The following CORIN variants were observed in gnomAD, a reference collection of about 807,000 sequenced individuals.
The protein encoded by CORIN is atrial natriuretic peptide-converting enzyme.
CORIN carries 117 observed loss-of-function variants against 125.3 expected under a neutral mutation model. The ratio of observed to expected loss-of-function variants is 0.93; its 90% CI spans 0.80 to 1.09. The LOEUF (loss-of-function observed/expected upper bound fraction) is 1.09, where lower values mean the gene tolerates loss of function less well. Ranked by LOEUF, CORIN falls within the 50% of genes least tolerant of loss-of-function variation. The probability of loss-of-function intolerance (pLI) is 0.00; values close to 1 mark genes in which losing one functional copy is unlikely to be tolerated. For missense variants in CORIN, 1,253 were observed against 1,306.7 expected (o/e 0.96, Z 0.63); for synonymous variants, 450 against 466.4 (o/e 0.96, Z 0.45).
intron 4 of CORIN, among the ~76,000 whole-genome samples, chr4:47,751,542 T>C (rs1488619975): frequency 1.3e-5 from 2 of 152,176 alleles, no homozygotes; most frequent in Non-Finnish European, 2.9e-5. Flanking sequence ...TTCATCTGAA[T>C]TGCCTTTTTA....
chr4:47,643,713 G>A (rs1314699939), intron 14 of CORIN, among the ~76,000 whole-genome samples: 8 of 151,944 alleles, frequency 5.3e-5, no homozygotes, highest in Non-Finnish European at 8.8e-5. Flanking sequence ...TCTCTTTTGG[G>A]TTTTAAAAAT....
At chr4:47,619,989 G>T (rs1023781815) in intron 19 of CORIN, among the ~76,000 whole-genome samples, 1 of 152,114 alleles carries the variant, frequency 6.6e-6, no homozygotes, top group Non-Finnish European at 1.5e-5. Context: ...CTTACACATT[G>T]AAAGCTCTCA....
chr4:47,698,577 A>G (rs1726143078), intron 5 of CORIN, among the ~76,000 whole-genome samples: 1 of 152,090 alleles, frequency 6.6e-6, no homozygotes, highest in African/African-American at 2.4e-5. Flanking sequence ...GAGTCATTAC[A>G]TGGTTTTCGG....
intron 2 of CORIN, among the ~76,000 whole-genome samples, chr4:47,787,916 G>C (rs533387542): frequency 6.6e-6 from 1 of 152,306 alleles, no homozygotes; most frequent in Admixed American, 6.5e-5. Flanking sequence ...ATTAAACTAA[G>C]ATTATCAACT....
intron 21 of CORIN, among the ~76,000 whole-genome samples, chr4:47,597,480 C>G (rs1721300988): frequency 1.3e-5 from 2 of 152,014 alleles, no homozygotes; most frequent in African/African-American, 4.8e-5. Flanking sequence ...ATAGAACTTG[C>G]AAGGAGCTGA....
chr4:47,687,779 T>C (rs938829754), intron 6 of CORIN, among the ~76,000 whole-genome samples: 1 of 152,154 alleles, frequency 6.6e-6, no homozygotes, highest in Non-Finnish European at 1.5e-5. Context: ...GATTCTGAAA[T>C]GACCAGAGGA....
intron 5 of CORIN, among the ~76,000 whole-genome samples, chr4:47,731,303 T>G (rs1419624316): frequency 6.6e-6 from 1 of 152,168 alleles, no homozygotes; most frequent in Non-Finnish European, 1.5e-5. Context: ...GTCTGCATGC[T>G]GCAAGCATAC....
At chr4:47,597,243 G>A (rs902034800) in intron 21 of CORIN, among the ~76,000 whole-genome samples, 4 of 151,522 alleles carry the variant, frequency 2.6e-5, no homozygotes, top group Admixed American at 2.0e-4. Flanking sequence ...TCCCAGCTAC[G>A]CTGGAGGCTG....
chr4:47,647,984 T>C (rs1229679517), intron 13 of CORIN, among the ~76,000 whole-genome samples: 4 of 152,240 alleles, frequency 2.6e-5, no homozygotes, highest in African/African-American at 7.2e-5. Flanking sequence ...CACCTCTCCA[T>C]GTCTTCTCTT....
At chr4:47,778,974 A>G (rs1382476841) in intron 3 of CORIN, among the ~76,000 whole-genome samples, 4 of 152,216 alleles carry the variant, frequency 2.6e-5, no homozygotes, top group Non-Finnish European at 4.4e-5. Flanking sequence ...TGGCCCCTAC[A>G]TAAAATTTAG....
intron 19 of CORIN, among the ~76,000 whole-genome samples, chr4:47,608,851 A>G (rs1287912805): frequency 6.6e-6 from 1 of 152,172 alleles, no homozygotes. Flanking sequence ...TTGGTTTGCA[A>G]TTTGCCACAC....
chr4:47,726,197 T>C (rs970011834), intron 5 of CORIN, among the ~76,000 whole-genome samples: 4 of 152,088 alleles, frequency 2.6e-5, no homozygotes, highest in Non-Finnish European at 5.9e-5. Context: ...GAAAAACTGT[T>C]GACAGATACC....
chr4:47,826,626 A>T (rs763910307), intron 1 of CORIN, among the ~76,000 whole-genome samples: 2 of 152,190 alleles, frequency 1.3e-5, no homozygotes, highest in Non-Finnish European at 2.9e-5. Flanking sequence ...CTGCCTCTCT[A>T]AGGGCTTTGT....
rs766952350 is a variant in CORIN at position 47,693,078 on chromosome 4, A to C, written c.805T>G (p.Cys269Gly). Residue 269 changes from cysteine to glycine, a missense_variant, in exon 6 of 22, where the codon TGT becomes GGT. By Grantham distance (159) the Cys-to-Gly change is radical. Transcript: ENST00000273857. Reference sequence around the variant, plus strand: ...CACAGAAAGTTCTCACCCCTTCCACAGAGCACTAAAAAAAAAGGGCAGGAA... The same window carrying C: ...CACAGAAAGTTCTCACCCCTTCCACCGAGCACTAAAAAAAAAGGGCAGGAA... The part of the protein sequence containing the change: ...PQQENGKQLL[C>G]GRGENFLCAS... The C allele has an allele frequency of 6.2e-7, 1 of 1,607,336 alleles. No homozygotes were observed. The highest frequency in any genetic ancestry group is 8.5e-7 in the Non-Finnish European group (1 of 1,174,140).
intron 1 of CORIN, among the ~76,000 whole-genome samples, chr4:47,824,132 T>TA (rs397945006): frequency 2.0e-5 from 3 of 151,186 alleles, no homozygotes; most frequent in Non-Finnish European, 4.4e-5. Context: ...TTTTTTTTTT[T>TA]ACTCCTTTTT....
chr4:47,648,336 C>A (rs1723581858), intron 13 of CORIN, among the ~76,000 whole-genome samples: 1 of 152,098 alleles, frequency 6.6e-6, no homozygotes, highest in Non-Finnish European at 1.5e-5. Flanking sequence ...ATACAGTGTT[C>A]CAAAAAAGTC....
intron 2 of CORIN, among the ~76,000 whole-genome samples, chr4:47,805,443 T>G (rs554946475): frequency 6.6e-5 from 10 of 152,252 alleles, no homozygotes; most frequent in African/African-American, 2.4e-4. Flanking sequence ...AGTCTTGATT[T>G]CTGTTGATTT....
intron 13 of CORIN, among the ~76,000 whole-genome samples, chr4:47,646,043 C>CAAAAAAAAAA (rs1165408037): frequency 1.0e-5 from 1 of 98,494 alleles, no homozygotes; most frequent in Non-Finnish European, 2.0e-5. Context: ...CCACCTGTCT[C>CAAAAAAAAAA]AAAAAAAAAA....
intron 11 of CORIN, among the ~76,000 whole-genome samples, chr4:47,664,586 A>G (rs1724389498): frequency 1.3e-5 from 2 of 152,198 alleles, no homozygotes; most frequent in South Asian, 4.1e-4. Context: ...AAATGTCAGC[A>G]ATGTCCATCG....
Sources: allele counts gnomAD v4.1 joint callset (sites outside exome capture counted in the v4.1 genomes callset), GRCh38; gene constraint gnomAD v4.1.1; transcripts MANE v1.5; gene names NCBI Gene and HGNC (gene_info 2026-07-23, HGNC 2026-07-21).